The following PDE4D variants were observed in gnomAD, a reference collection of about 807,000 sequenced individuals.
PDE4D encodes 3',5'-cyclic-AMP phosphodiesterase 4D.
Under a neutral mutation model 87.4 loss-of-function variants are expected in PDE4D, and 24 were observed. The ratio of observed to expected loss-of-function variants is 0.27; its 90% CI spans 0.20 to 0.39. PDE4D has a LOEUF of 0.39. Among genes scored for constraint, PDE4D ranks in the 10% least tolerant of loss-of-function variants. PDE4D has a pLI of 1.00. For missense variants in PDE4D, 714 were observed against 1,041.0 expected, an observed-to-expected ratio of 0.69 and a Z score of 4.32; for synonymous variants, 384 against 383.2, an observed-to-expected ratio of 1.00 and a Z score of -0.02.
At chr5:59,718,673 G>A (rs533130138) in intron 1 of PDE4D, among the ~76,000 whole-genome samples, 2 of 152,232 alleles carry the variant, frequency 1.3e-5, no homozygotes, top group East Asian at 3.9e-4. Context: ...GAGGCTGTTA[G>A]AAAGATCTCG....
intron 1 of PDE4D, among the ~76,000 whole-genome samples, chr5:60,485,970 T>C (rs745812248): frequency 6.6e-6 from 1 of 152,152 alleles, no homozygotes; most frequent in Non-Finnish European, 1.5e-5. Context: ...AGCTGATTAA[T>C]GTTTGATAAT....
rs190536273 is a variant in PDE4D at position 59,681,320 on chromosome 5, C to T, written c.455+211848G>A. ...AACAATATTAAAGGATAACAACCTG[C>T]TAAATAAAGAATTCATGACTCCACA... On this transcript the variant is annotated intron_variant, in intron 1 of 14. Coordinates refer to ENST00000340635, the MANE Select transcript of PDE4D (RefSeq NM_001104631.2). Among the ~76,000 whole-genome samples, 236 of 152,118 alleles carry T rather than the reference C, an allele frequency of 1.6e-3. 2 individuals are homozygous for T. Among genetic ancestry groups the T allele is most frequent in the South Asian group, 5.4e-3 (26 of 4,812 alleles).
At chr5:60,256,502 A>G (rs1394966760) in intron 1 of PDE4D, among the ~76,000 whole-genome samples, 4 of 151,952 alleles carry the variant, frequency 2.6e-5, no homozygotes, top group African/African-American at 9.7e-5. Context: ...TTACCTGGAA[A>G]TATGATCACA....
chr5:58,974,816 T>A lies in PDE4D; in HGVS notation c.2278A>T (p.Thr760Ser). The A allele has an allele frequency of 1.2e-6, 2 of 1,613,656 alleles. No homozygotes were observed. Among genetic ancestry groups the A allele is most frequent in the Non-Finnish European group, 1.7e-6 (2 of 1,179,658 alleles). ...KDSGSQVEED[T>S]SCSDSKTLCT... is the part of the protein sequence containing the mutation. ...AGAGTCTTGGAGTCACTGCAGCTAG[T>A]GTCTTCTTCCACTTGACTGCCACTG... Residue 760 changes from threonine (T) to serine (S), a missense_variant, in exon 15 of 15, where the codon ACT becomes TCT. Around this residue, in one of 7 missense-constraint regions of PDE4D, gnomAD observed 90 missense variants for 95.3 expected, o/e 0.94. Transcript: ENST00000340635.
chr5:60,154,588 T>C (rs941416148), intron 2 of PDE4D, among the ~76,000 whole-genome samples: 2 of 152,202 alleles, frequency 1.3e-5, no homozygotes, highest in Non-Finnish European at 2.9e-5. Flanking sequence ...TAACTTCTTA[T>C]TGAAGAATAA....
chr5:59,382,250 C>A (rs1029494773), intron 1 of PDE4D, among the ~76,000 whole-genome samples: 7 of 152,030 alleles, frequency 4.6e-5, no homozygotes, highest in Non-Finnish European at 7.4e-5. Flanking sequence ...TAACGCAAAC[C>A]CACAATGTTA....
rs781478451 is a variant in PDE4D, at chr5:60,287,442, C to T, written c.-89-101755G>A. On this transcript the variant is annotated intron_variant, in intron 1 of 16. Transcript: ENST00000502484. Reference sequence around the variant, plus strand: ...TTGTAAGTACGTGTTTCCTCTACTGCGGGAAGGCTCTTCAAAGACAAGAAC... The same window carrying T: ...TTGTAAGTACGTGTTTCCTCTACTGTGGGAAGGCTCTTCAAAGACAAGAAC... Among the ~76,000 whole-genome samples, 17 of 152,268 alleles carry T rather than the reference C, an allele frequency of 1.1e-4. No homozygotes were observed. The East Asian group carries it at 2.1e-3, about 19-fold the overall frequency.
intron 5 of PDE4D, among the ~76,000 whole-genome samples, chr5:59,132,679 G>C (rs1318874313): frequency 6.6e-6 from 1 of 152,104 alleles, no homozygotes; most frequent in African/African-American, 2.4e-5. Context: ...TACATATACA[G>C]GCATAGGACT....
At chr5:59,907,160 A>G (rs1465265190) in intron 3 of PDE4D, among the ~76,000 whole-genome samples, 2 of 152,158 alleles carry the variant, frequency 1.3e-5, no homozygotes, top group Non-Finnish European at 2.9e-5. Context: ...CTTTTCTCCT[A>G]AATCTTGCCA....
chr5:59,883,772 A>C (rs2152747928), intron 1 of PDE4D, among the ~76,000 whole-genome samples: 1 of 152,298 alleles, frequency 6.6e-6, no homozygotes, highest in South Asian at 2.1e-4. Flanking sequence ...GAAGATCAGA[A>C]CCAGTCTGTG....
At chr5:59,898,374 G>C (rs909171775), upstream of PDE4D, among the ~76,000 whole-genome samples, 12 of 152,168 alleles carry the variant, frequency 7.9e-5, no homozygotes, top group Non-Finnish European at 1.5e-5. Flanking sequence ...GTGTCTTGCA[G>C]AGGAAATAAA....
At chr5:59,905,174 G>A (rs1752684068) in intron 3 of PDE4D, among the ~76,000 whole-genome samples, 1 of 152,150 alleles carries the variant, frequency 6.6e-6, no homozygotes, top group African/African-American at 2.4e-5. Flanking sequence ...CCAAGGCTGA[G>A]TAGTTTTCCC....
chr5:59,199,916 A>G (rs1327888461), intron 2 of PDE4D, among the ~76,000 whole-genome samples: 1 of 151,700 alleles, frequency 6.6e-6, no homozygotes, highest in Non-Finnish European at 1.5e-5. Flanking sequence ...ATGCATGTAT[A>G]TATACACACA....
intron 1 of PDE4D, among the ~76,000 whole-genome samples, chr5:59,617,829 A>G (rs1829890438): frequency 6.6e-6 from 1 of 152,188 alleles, no homozygotes; most frequent in Non-Finnish European, 1.5e-5. Context: ...TTGTTTCAGC[A>G]GAAAACTCAT....
intron 1 of PDE4D, among the ~76,000 whole-genome samples, chr5:59,771,202 C>T (rs999764321): frequency 6.6e-6 from 1 of 150,494 alleles, no homozygotes; most frequent in Non-Finnish European, 1.5e-5. Flanking sequence ...TATATCTGCC[C>T]TTGGGGAGCT....
Position 59,441,840 on chromosome 5 carries a change from A to G in PDE4D, c.456-225872T>C, listed in dbSNP as rs563067028. ...GACTTTGCATTCCAGTGTATTTACT[A>G]TCTCTTTATGTTTCTGTATATTTGT... On this transcript the variant is annotated intron_variant, in intron 1 of 14. Coordinates refer to ENST00000340635, the MANE Select transcript of PDE4D (RefSeq NM_001104631.2). Among the ~76,000 whole-genome samples, 11 of 152,290 alleles carry G rather than the reference A, an allele frequency of 7.2e-5. No homozygotes were observed. In the East Asian group the frequency reaches 2.1e-3, roughly 29 times the overall value.
intron 2 of PDE4D, among the ~76,000 whole-genome samples, chr5:60,012,052 T>C (rs1186467365): frequency 2.6e-5 from 4 of 152,012 alleles, no homozygotes; most frequent in Non-Finnish European, 2.9e-5. Context: ...AATTGGACTA[T>C]AGGTAGAAAT....
intron 1 of PDE4D, among the ~76,000 whole-genome samples, chr5:59,284,532 G>T (rs1253990852): frequency 6.6e-6 from 1 of 151,472 alleles, no homozygotes; most frequent in Non-Finnish European, 1.5e-5. Context: ...ACACCAGTTA[G>T]AATGGCAATC....
At chr5:60,469,102 A>G (rs1583863033) in intron 1 of PDE4D, among the ~76,000 whole-genome samples, 1 of 152,122 alleles carries the variant, frequency 6.6e-6, no homozygotes, top group African/African-American at 2.4e-5. Flanking sequence ...CTTTCTTCCC[A>G]TTCTTCCTGA....
Sources: gnomAD v4.1 joint callset for allele counts (sites outside exome capture counted in the v4.1 genomes callset) on GRCh38, gnomAD v4.1.1 for gene constraint, gnomAD v4.1.1 regional missense constraint, MANE v1.5 for transcripts, NCBI Gene and HGNC (gene_info 2026-07-23, HGNC 2026-07-21) for gene names.